The following MB21D2 variants were observed in gnomAD, a reference collection of about 807,000 sequenced individuals.
MB21D2 encodes the protein nucleotidyltransferase MB21D2.
A neutral mutation model predicts 33.3 loss-of-function variants in MB21D2; 9 were observed. The ratio of observed to expected loss-of-function variants is 0.27; its 90% CI spans 0.16 to 0.47. The LOEUF is 0.47. Ranked by LOEUF, MB21D2 falls within the 20% of genes least tolerant of loss-of-function variation. The pLI, the probability that MB21D2 is intolerant of heterozygous loss-of-function variation, is 0.99. For missense variants in MB21D2, 540 were observed against 624.6 expected (o/e 0.86, Z 1.44); for synonymous variants, 241 against 236.3 (o/e 1.02, Z -0.18).
intron 1 of MB21D2, among the ~76,000 whole-genome samples, chr3:192,855,288 G>A (rs1435349229): frequency 6.6e-6 from 1 of 152,050 alleles, no homozygotes; most frequent in African/African-American, 2.4e-5. Flanking sequence ...TAGTAGAGAC[G>A]GGGTTTCACC....
intron 1 of MB21D2, among the ~76,000 whole-genome samples, chr3:192,836,279 C>T (rs995693881): frequency 2.0e-5 from 3 of 152,162 alleles, no homozygotes; most frequent in Non-Finnish European, 2.9e-5. Flanking sequence ...ACTTTTGCTA[C>T]GGAAACCCAA....
chr3:192,898,835 C>T (rs565362074), intron 1 of MB21D2, among the ~76,000 whole-genome samples: 2 of 152,284 alleles, frequency 1.3e-5, no homozygotes, highest in Admixed American at 1.3e-4. Context: ...CAAAAGGCCT[C>T]CCCAAGAAGT....
intron 1 of MB21D2, among the ~76,000 whole-genome samples, chr3:192,857,075 C>A (rs181701029): frequency 2.0e-5 from 3 of 151,898 alleles, no homozygotes; most frequent in Non-Finnish European, 4.4e-5. Flanking sequence ...ATGCTTTTCA[C>A]AATAAAAGAG....
intron 1 of MB21D2, among the ~76,000 whole-genome samples, chr3:192,827,666 C>T (rs1445766850): frequency 6.6e-6 from 1 of 152,058 alleles, no homozygotes; most frequent in Non-Finnish European, 1.5e-5. Context: ...CCAAATCTTA[C>T]ATGCTTTCTG....
intron 1 of MB21D2, among the ~76,000 whole-genome samples, chr3:192,832,668 T>A (rs1485960205): frequency 1.3e-5 from 2 of 152,140 alleles, no homozygotes; most frequent in East Asian, 3.9e-4. Context: ...CGTGTGCCTG[T>A]AGTCCCAGCT....
At position 192,812,068 on chromosome 3, in the gene MB21D2, G is replaced by A. The variant is rs1423676099; in HGVS notation, c.212-12418C>T. ...TTTTTTGCTTTTTTATTTTTTTGGA[G>A]ATGGAGTCTCACTCTGTTGCTCAGG... On this transcript the variant is annotated intron_variant, in intron 1 of 1. Transcript: ENST00000392452. Among the ~76,000 whole-genome samples, 4 of 151,954 alleles carry A rather than the reference G, an allele frequency of 2.6e-5. No homozygotes were observed. The East Asian group carries it at 7.7e-4, about 29-fold the overall frequency.
intron 1 of MB21D2, among the ~76,000 whole-genome samples, chr3:192,874,958 C>A (rs1442428052): frequency 6.6e-6 from 1 of 151,794 alleles, no homozygotes; most frequent in Admixed American, 6.6e-5. Context: ...GCACTGAAGA[C>A]GCACCATCTA....
chr3:192,845,301 G>A (rs1029798501), intron 1 of MB21D2, among the ~76,000 whole-genome samples: 2 of 152,194 alleles, frequency 1.3e-5, no homozygotes, highest in Non-Finnish European at 2.9e-5. Flanking sequence ...ACATGTCACA[G>A]GAAGGACAAT....
intron 1 of MB21D2, among the ~76,000 whole-genome samples, chr3:192,849,769 T>C (rs769163949): frequency 2.3e-4 from 35 of 152,226 alleles, no homozygotes; most frequent in Admixed American, 8.5e-4. Context: ...CCTGGCAGAA[T>C]AGTATAAAGA....
chr3:192,843,126 G>A (rs1194635608), intron 1 of MB21D2, among the ~76,000 whole-genome samples: 1 of 152,124 alleles, frequency 6.6e-6, no homozygotes, highest in Admixed American at 6.5e-5. Flanking sequence ...ACTAGCTCAG[G>A]TCACAGAGCC....
chr3:192,901,413 C>CACAA (rs1714098774), intron 1 of MB21D2, among the ~76,000 whole-genome samples: 2 of 100,888 alleles, frequency 2.0e-5, no homozygotes, highest in Non-Finnish European at 3.9e-5. Context: ...ACTAAAAATT[C>CACAA]AAAAAAAAAA....
chr3:192,890,825 G>T (rs1713837480), intron 1 of MB21D2, among the ~76,000 whole-genome samples: 1 of 152,064 alleles, frequency 6.6e-6, no homozygotes, highest in Non-Finnish European at 1.5e-5. Flanking sequence ...GATATAAGAT[G>T]TACGTGCTTC....
At chr3:192,832,427 T>G (rs1712334202) in intron 1 of MB21D2, among the ~76,000 whole-genome samples, 2 of 152,192 alleles carry the variant, frequency 1.3e-5, no homozygotes, top group Admixed American at 6.5e-5. Flanking sequence ...GCTGGAAAAC[T>G]TACTTAAGTG....
intron 1 of MB21D2, among the ~76,000 whole-genome samples, chr3:192,900,680 C>T (rs113774953): frequency 0.026 from 3,982 of 152,074 alleles, 128 homozygotes; most frequent in African/African-American, 0.066. Flanking sequence ...CGGTGGCTCA[C>T]GCCTGTAATC....
chr3:192,889,214 GTTCTCTATTAAGATGGT>G (rs558159529), intron 1 of MB21D2, among the ~76,000 whole-genome samples: 9 of 152,198 alleles, frequency 5.9e-5, no homozygotes, highest in South Asian at 2.1e-4. Context: ...GGGTTAAGGA[GTTCTCTATTAAGATGGT>G]TTCTCTATTA....
chr3:192,800,768 A>T (rs1024118496), intron 1 of MB21D2, among the ~76,000 whole-genome samples: 1 of 152,206 alleles, frequency 6.6e-6, no homozygotes, highest in African/African-American at 2.4e-5. Flanking sequence ...ATGGAACGCC[A>T]TTTTTACTTT....
At chr3:192,894,152 A>C (rs989408739) in intron 1 of MB21D2, among the ~76,000 whole-genome samples, 3 of 152,032 alleles carry the variant, frequency 2.0e-5, no homozygotes, top group African/African-American at 7.2e-5. Flanking sequence ...TTTTTGAGAC[A>C]GAGTCTCGCT....
chr3:192,904,345 A>G (rs1714162850), intron 1 of MB21D2, among the ~76,000 whole-genome samples: 1 of 152,154 alleles, frequency 6.6e-6, no homozygotes, highest in Non-Finnish European at 1.5e-5. Context: ...ACTTTCCTGA[A>G]AGTATTCAGA....
At chr3:192,826,702 G>A (rs902907044) in intron 1 of MB21D2, among the ~76,000 whole-genome samples, 1 of 152,158 alleles carries the variant, frequency 6.6e-6, no homozygotes, top group Non-Finnish European at 1.5e-5. Flanking sequence ...AATGCCCTCA[G>A]AGAGAATCTC....
Sources: gnomAD v4.1 joint callset for allele counts (sites outside exome capture counted in the v4.1 genomes callset) on GRCh38, gnomAD v4.1.1 for gene constraint, MANE v1.5 for transcripts, NCBI Gene and HGNC (gene_info 2026-07-23, HGNC 2026-07-21) for gene names.